MKLN1: variants seen among roughly 807,000 people sequenced by gnomAD.
MKLN1 encodes the protein muskelin 1, also known as muskelin.
MKLN1 carries 18 observed loss-of-function variants against 99.0 expected under a neutral mutation model. The ratio of observed to expected loss-of-function variants is 0.18; its 90% CI spans 0.13 to 0.27. The LOEUF (loss-of-function observed/expected upper bound fraction) is 0.27. MKLN1 is among the 10% of genes least tolerant of loss of function. MKLN1 has a pLI of 1.00. For synonymous variants in MKLN1, 288 were observed against 293.2 expected, an observed-to-expected ratio of 0.98 and a Z score of 0.18; for missense variants, 621 against 875.9, an observed-to-expected ratio of 0.71 and a Z score of 3.67.
intron 3 of MKLN1, among the ~76,000 whole-genome samples, chr7:131,284,175 A>G (rs1329288055): frequency 6.6e-6 from 1 of 152,214 alleles, no homozygotes; most frequent in Non-Finnish European, 1.5e-5. Context: ...GGATATGCGC[A>G]CTTCCGACTT....
At position 131,120,170 on chromosome 7, in the gene MKLN1, C is replaced by CAAAA. The variant is rs34545571; in HGVS notation, c.-419+9979_-419+9982dup. Among the ~76,000 whole-genome samples, 81 of 76,408 alleles carry CAAAA rather than the reference C, an allele frequency of 1.1e-3. 1 individual carries two copies. Among genetic ancestry groups the CAAAA allele is most frequent in the African/African-American group, 1.7e-3 (28 of 16,944 alleles). 50.1% of individuals were successfully genotyped at this position (76,408 alleles called of 152,430 possible). ...TGGGGGACAGAGTGAGACTCCATCT[C>CAAAA]AAAAAAAAAAAAAAAAAAAGAAGCA... On this transcript the variant is annotated intron_variant, in intron 1 of 7. Coordinates refer to the MKLN1 transcript ENST00000416992.
chr7:131,292,956 T>G (rs1320396468), intron 3 of MKLN1, among the ~76,000 whole-genome samples: 1 of 152,272 alleles, frequency 6.6e-6, no homozygotes, highest in East Asian at 1.9e-4. Flanking sequence ...CCTGATATGA[T>G]GCAGTAAGAG....
At chr7:131,123,891 C>T (rs1215423193) in intron 1 of MKLN1, among the ~76,000 whole-genome samples, 2 of 152,078 alleles carry the variant, frequency 1.3e-5, no homozygotes, top group Non-Finnish European at 2.9e-5. Flanking sequence ...GGTAGACTGA[C>T]AGACAAAAGA....
At chr7:131,163,751 A>C (rs917768554) in intron 2 of MKLN1, among the ~76,000 whole-genome samples, 1 of 152,224 alleles carries the variant, frequency 6.6e-6, no homozygotes, top group Non-Finnish European at 1.5e-5. Flanking sequence ...TCCTAAGGGC[A>C]TCAGTGTTCT....
intron 12 of MKLN1, among the ~76,000 whole-genome samples, chr7:131,460,977 T>A (rs1792262114): frequency 1.3e-5 from 2 of 152,196 alleles, no homozygotes; most frequent in Non-Finnish European, 2.9e-5. Flanking sequence ...ACATCACTTC[T>A]GAAAATTTAC....
chr7:131,400,492 C>A (rs558908845), intron 6 of MKLN1, among the ~76,000 whole-genome samples: 2 of 138,646 alleles, frequency 1.4e-5, no homozygotes, highest in South Asian at 2.3e-4. Flanking sequence ...TCTTAACAGA[C>A]TTTAAAATGC....
chr7:131,211,844 G>T (rs1054393287), intron 3 of MKLN1, among the ~76,000 whole-genome samples: 6 of 152,070 alleles, frequency 3.9e-5, no homozygotes, highest in African/African-American at 1.4e-4. Flanking sequence ...AGTGGCTTAG[G>T]TCAAAATATT....
intron 16 of MKLN1, 95 bp from the exon 17 acceptor site, chr7:131,478,528 T>C (rs969971740): frequency 8.6e-6 from 11 of 1,273,980 alleles, no homozygotes; most frequent in Non-Finnish European, 1.1e-5. Flanking sequence ...ACGTAGTTGC[T>C]GATAAATGGT....
At chr7:131,186,527 A>G (rs999593467) in intron 2 of MKLN1, among the ~76,000 whole-genome samples, 1 of 151,950 alleles carries the variant, frequency 6.6e-6, no homozygotes, top group African/African-American at 2.4e-5. Flanking sequence ...TTAAAACAAA[A>G]CCTCTGCTCT....
At chr7:131,372,422 A>G (rs1793492824) in intron 1 of MKLN1, among the ~76,000 whole-genome samples, 2 of 152,016 alleles carry the variant, frequency 1.3e-5, no homozygotes, top group Non-Finnish European at 2.9e-5. Context: ...ATTACTTGTA[A>G]TCTCCCTTTG....
intron 1 of MKLN1, among the ~76,000 whole-genome samples, chr7:131,355,983 CT>C (rs1799866117): frequency 6.6e-6 from 1 of 151,024 alleles, no homozygotes; most frequent in South Asian, 2.1e-4. Context: ...AGACTTTATC[CT>C]TTAGAACAGT....
chr7:131,206,082 C>T (rs1796805924), intron 3 of MKLN1, among the ~76,000 whole-genome samples: 2 of 151,736 alleles, frequency 1.3e-5, no homozygotes, highest in Admixed American at 6.6e-5. Flanking sequence ...TTAGTAGAGA[C>T]GGGGTTTCGC....
At chr7:131,135,911 A>T (rs2116242994) in intron 1 of MKLN1, among the ~76,000 whole-genome samples, 1 of 152,328 alleles carries the variant, frequency 6.6e-6, no homozygotes, top group African/African-American at 2.4e-5. Flanking sequence ...TAAATGAGTT[A>T]TTCTGAGTCT....
At chr7:131,302,483 C>T (rs1197605980) in intron 3 of MKLN1, among the ~76,000 whole-genome samples, 2 of 152,290 alleles carry the variant, frequency 1.3e-5, no homozygotes, top group East Asian at 3.9e-4. Context: ...TTTCACTCTT[C>T]CCAAAAGGCT....
At chr7:131,351,929 C>G (rs1163713553) in intron 1 of MKLN1, among the ~76,000 whole-genome samples, 3 of 152,100 alleles carry the variant, frequency 2.0e-5, no homozygotes, top group Non-Finnish European at 4.4e-5. Flanking sequence ...CTTACCATTC[C>G]TTTCACATTT....
At chr7:131,214,531 A>G (rs1293854028) in intron 3 of MKLN1, among the ~76,000 whole-genome samples, 10 of 152,238 alleles carry the variant, frequency 6.6e-5, no homozygotes. Context: ...AACTAAGCAG[A>G]AAGATGAAAA....
chr7:131,143,850 A>G (rs1272708996), intron 2 of MKLN1, among the ~76,000 whole-genome samples: 1 of 152,146 alleles, frequency 6.6e-6, no homozygotes, highest in Admixed American at 6.5e-5. Flanking sequence ...AATAAAAATA[A>G]AAGTGGATTT....
At chr7:131,275,894 T>C (rs1484333376) in intron 3 of MKLN1, among the ~76,000 whole-genome samples, 1 of 152,108 alleles carries the variant, frequency 6.6e-6, no homozygotes, top group Non-Finnish European at 1.5e-5. Context: ...CCGTCACAAG[T>C]AACAGCGTTT....
intron 17 of MKLN1, among the ~76,000 whole-genome samples, chr7:131,479,592 T>A (rs1333238174): frequency 3.3e-5 from 5 of 151,824 alleles, no homozygotes; most frequent in Admixed American, 3.3e-4. Flanking sequence ...TTTGGGAGGC[T>A]GAGGCAGGAG....
Sources: allele counts gnomAD v4.1 joint callset (sites outside exome capture counted in the v4.1 genomes callset), GRCh38; gene constraint gnomAD v4.1.1; transcripts MANE v1.5; gene names NCBI Gene and HGNC (gene_info 2026-07-23, HGNC 2026-07-21).